The following CCDC85C variants were observed in gnomAD, a reference collection of about 807,000 sequenced individuals.
CCDC85C encodes coiled-coil domain containing 85C, also known as coiled-coil domain-containing protein 85C.
A neutral mutation model predicts 38.3 loss-of-function variants in CCDC85C; 18 were observed. The observed-to-expected ratio is 0.47, with a 90% CI of 0.33 to 0.70. CCDC85C has a LOEUF of 0.70. Ranked by LOEUF, CCDC85C falls within the 30% of genes least tolerant of loss-of-function variation. CCDC85C has a pLI of 0.03. For missense variants in CCDC85C, 566 were observed against 621.2 expected (o/e 0.91, Z 0.94); for synonymous variants, 264 against 293.8 (o/e 0.90, Z 1.04).
At chr14:99,595,198 T>C (rs2055130076) in intron 1 of CCDC85C, among the ~76,000 whole-genome samples, 1 of 152,186 alleles carries the variant, frequency 6.6e-6, no homozygotes, top group Non-Finnish European at 1.5e-5. Flanking sequence ...TGCAGGCAAA[T>C]GCCCACCGCA....
rs77810839 is a variant in CCDC85C, at chr14:99,572,810, T to C, written c.793+30357A>G. On this transcript the variant is annotated intron_variant, in intron 1 of 5. Transcript: ENST00000380243. The surrounding 1 kb of genome is among the most constrained non-coding windows in gnomAD (Gnocchi z 4.4). The stretch of plus-strand genomic sequence containing the variant: ...CTGTCTGTCTTGCTTCATGGAAGTA[T>C]CCCAGGAGCATGGAAACGGGGCCTG... 8.0e-4 allele frequency: 365 copies of C among 456,126 alleles called. 1 individual carries two copies. Among genetic ancestry groups the C allele is most frequent in the African/African-American group, 6.7e-3 (336 of 50,212 alleles). 28.3% of individuals were successfully genotyped at this position (456,126 alleles called of 1,614,324 possible).
At chr14:99,562,066 G>T (rs1387569529) in intron 1 of CCDC85C, among the ~76,000 whole-genome samples, 1 of 152,130 alleles carries the variant, frequency 6.6e-6, no homozygotes, top group Non-Finnish European at 1.5e-5. Flanking sequence ...CCGGTAGGGA[G>T]CCAGCCCAGT....
intron 1 of CCDC85C, among the ~76,000 whole-genome samples, chr14:99,582,119 G>A (rs748148945): frequency 2.0e-5 from 3 of 152,150 alleles, no homozygotes; most frequent in African/African-American, 2.4e-5. Flanking sequence ...CAGCGGGGGC[G>A]GGGGGATGCT....
At chr14:99,599,819 G>A (rs1168840330) in intron 1 of CCDC85C, among the ~76,000 whole-genome samples, 3 of 152,208 alleles carry the variant, frequency 2.0e-5, no homozygotes, top group Admixed American at 6.5e-5. Flanking sequence ...AGGTTGCCGC[G>A]AGCCATGATG....
At chr14:99,597,956 G>A (rs2055160507) in intron 1 of CCDC85C, among the ~76,000 whole-genome samples, 2 of 152,240 alleles carry the variant, frequency 1.3e-5, no homozygotes, top group African/African-American at 4.8e-5. Flanking sequence ...TCAGGATATA[G>A]ATGAAGAAAC....
chr14:99,522,522 G>A, intron 2 of CCDC85C: 1 of 113,558 alleles, frequency 8.8e-6, no homozygotes, highest in South Asian at 1.5e-4. Flanking sequence ...AGAAGAGCCA[G>A]TGAGAGCGAG....
At position 99,530,996 on chromosome 14, in the gene CCDC85C, G is replaced by A. The variant is rs1897481672; in HGVS notation, c.867+5019C>T. Among the ~76,000 whole-genome samples the A allele has an allele frequency of 2.0e-5, 3 of 152,216 alleles. No homozygotes were observed. The South Asian group carries it at 6.2e-4, about 32-fold the overall frequency. ...CCCCCAGTCTGTGCAACTCTGTTATGGCAGCCCTACCAGACGAATACAACA... is the reference window on the plus strand; with the variant it reads ...CCCCCAGTCTGTGCAACTCTGTTATAGCAGCCCTACCAGACGAATACAACA... On this transcript the variant is annotated intron_variant, in intron 2 of 5. Coordinates refer to ENST00000380243, the MANE Select transcript of CCDC85C (RefSeq NM_001144995.2).
At chr14:99,541,423 A>G (rs1483711797) in intron 1 of CCDC85C, among the ~76,000 whole-genome samples, 1 of 152,178 alleles carries the variant, frequency 6.6e-6, no homozygotes, top group Non-Finnish European at 1.5e-5. Flanking sequence ...CCTGTCTCAC[A>G]CACGCCTCCC....
intron 1 of CCDC85C, among the ~76,000 whole-genome samples, chr14:99,591,663 G>A (rs983857098): frequency 2.0e-5 from 3 of 152,156 alleles, no homozygotes; most frequent in Non-Finnish European, 2.9e-5. Context: ...CGCTGCAGCC[G>A]GTGGGGAGGG....
chr14:99,544,214 C>T lies in CCDC85C; in HGVS notation c.794-8126G>A, dbSNP rs895017042. On this transcript the variant is annotated intron_variant, in intron 1 of 5. Coordinates refer to ENST00000380243, the MANE Select transcript of CCDC85C (RefSeq NM_001144995.2). This position sits in a 1 kb window ranked among gnomAD's most constrained non-coding sequence, Gnocchi z 5.3. ...CAAGGCCAAGGTCACCCGGCGGGAA[C>T]CTTGCAGGGCTGAGATTTGAACCTG... 6.6e-6 allele frequency among the ~76,000 whole-genome samples: 1 copy of T among 152,166 alleles called. No individual in the cohort carries two copies. The highest frequency in any genetic ancestry group is 1.5e-5 in the Non-Finnish European group (1 of 68,038).
At chr14:99,563,364 G>A (rs1262649779) in intron 1 of CCDC85C, among the ~76,000 whole-genome samples, 1 of 152,268 alleles carries the variant, frequency 6.6e-6, no homozygotes, top group African/African-American at 2.4e-5. Flanking sequence ...CAAGGCAATC[G>A]CTCATGCTGT....
At chr14:99,549,620 C>A (rs1897870236) in intron 1 of CCDC85C, among the ~76,000 whole-genome samples, 2 of 152,232 alleles carry the variant, frequency 1.3e-5, no homozygotes, top group Admixed American at 6.5e-5. Flanking sequence ...AGGAACGCAA[C>A]TGGGTCTCCT....
Position 99,500,568 on chromosome 14 carries a change from C to T in CCDC85C, c.*14678G>A, listed in dbSNP as rs1896800123. 7.3e-6 allele frequency: 4 copies of T among 546,594 alleles called. No homozygotes were observed. Among genetic ancestry groups the T allele is most frequent in the Non-Finnish European group, 9.7e-6 (3 of 310,288 alleles). 33.9% of individuals were successfully genotyped at this position (546,594 alleles called of 1,614,324 possible). A position where few individuals can be genotyped will look rare whatever the true frequency, so the allele number is the denominator to read the frequency against. ...TTTTTACATTACACCTCTGCTTTGT[C>T]TTCCTGTTTGAGATCTTTTCAGAAT... On this transcript the variant is annotated 3_prime_UTR_variant, in exon 6 of 6. Transcript: ENST00000380243.
intron 2 of CCDC85C, among the ~76,000 whole-genome samples, chr14:99,528,509 C>T (rs1897431691): frequency 6.6e-6 from 1 of 152,164 alleles, no homozygotes. Context: ...CTAGGAGCAC[C>T]CACCACCCCC....
rs1897465655 is a variant in CCDC85C at position 99,530,193 on chromosome 14, C to T, written c.867+5822G>A. Among the ~76,000 whole-genome samples the T allele has an allele frequency of 4.6e-5, 7 of 152,336 alleles. No individual in the cohort carries two copies. In the South Asian group the frequency reaches 1.4e-3, roughly 32 times the overall value. The stretch of plus-strand genomic sequence containing the variant: ...GGTGGAATTTCCTGTCTCCATTCTG[C>T]CCACATTGCGAGACTGACCATCTGT... On this transcript the variant is annotated intron_variant, in intron 2 of 5. Coordinates refer to ENST00000380243, the MANE Select transcript of CCDC85C (RefSeq NM_001144995.2).
intron 1 of CCDC85C, among the ~76,000 whole-genome samples, chr14:99,546,059 G>A (rs899018321): frequency 8.4e-6 from 1 of 118,406 alleles, no homozygotes; most frequent in Non-Finnish European, 1.6e-5. Context: ...AGTCTGCATG[G>A]GGGGGGGGAA....
rs550113889 is a variant in CCDC85C, at chr14:99,544,758, A to G, written c.794-8670T>C. ...AGATAAGCGCCCAGCCCCAGATGTGAAAAGACTTGATGTTAGTGAGGTTTT... is the reference window on the plus strand; with the variant it reads ...AGATAAGCGCCCAGCCCCAGATGTGGAAAGACTTGATGTTAGTGAGGTTTT... On this transcript the variant is annotated intron_variant, in intron 1 of 5. Coordinates refer to ENST00000380243, the MANE Select transcript of CCDC85C (RefSeq NM_001144995.2). This position sits in a 1 kb window ranked among gnomAD's most constrained non-coding sequence, Gnocchi z 5.3. Among the ~76,000 whole-genome samples the G allele has an allele frequency of 6.6e-5, 10 of 152,020 alleles. No homozygotes were observed. The highest frequency in any genetic ancestry group is 4.2e-4 in the South Asian group (2 of 4,806).
At chr14:99,547,711 T>C (rs1029619439) in intron 1 of CCDC85C, among the ~76,000 whole-genome samples, 8 of 151,226 alleles carry the variant, frequency 5.3e-5, no homozygotes, top group African/African-American at 1.9e-4. Flanking sequence ...GAGGCGGAGG[T>C]TGTAGTAAGC....
In CCDC85C at chr14:99,503,710, C is replaced by A; in HGVS notation, c.*11536G>T. ...ATATGCAAAACTTTAAATTCTTAGC[C>A]AACATTGTTTCTTTTCAGATCTAAA... On this transcript the variant is annotated 3_prime_UTR_variant, in exon 6 of 6. Coordinates refer to ENST00000380243, the MANE Select transcript of CCDC85C (RefSeq NM_001144995.2). 7.3e-7 allele frequency: 1 copy of A among 1,363,356 alleles called. No homozygotes were observed. Among genetic ancestry groups the A allele is most frequent in the Non-Finnish European group, 1.0e-6 (1 of 987,674 alleles). The allele number at this position is 1,363,356 out of a possible 1,614,324, so 84.5% of individuals were successfully genotyped here. A position where few individuals can be genotyped will look rare whatever the true frequency, so the allele number is the denominator to read the frequency against.
Sources: gnomAD v4.1 joint callset for allele counts (sites outside exome capture counted in the v4.1 genomes callset) on GRCh38, gnomAD v4.1.1 for gene constraint, Gnocchi (gnomAD v3.1) non-coding constraint, MANE v1.5 for transcripts, NCBI Gene and HGNC (gene_info 2026-07-23, HGNC 2026-07-21) for gene names.